Variants in THNSL1 observed in about 807,000 individuals in gnomAD.
THNSL1 encodes threonine synthase like 1.
Under a neutral mutation model 50.4 loss-of-function variants are expected in THNSL1, and 48 were observed. That is an observed-to-expected ratio of 0.95 (90% confidence interval 0.76 to 1.21). The LOEUF (loss-of-function observed/expected upper bound fraction) is 1.21, where lower values mean the gene tolerates loss of function less well. Among genes scored for constraint, THNSL1 ranks in the 50% most tolerant of loss-of-function variants. The probability of loss-of-function intolerance (pLI) is 0.00; values close to 1 mark genes in which losing one functional copy is unlikely to be tolerated. For missense variants in THNSL1, 896 were observed against 871.7 expected, an observed-to-expected ratio of 1.03 and a Z score of -0.35; for synonymous variants, 309 against 306.1, an observed-to-expected ratio of 1.01 and a Z score of -0.10.
At chr10:24,983,517 T>C in the THNSL1 span, 5 of 152,230 alleles carry the variant, frequency 3.3e-5, no homozygotes, top group Admixed American at 2.0e-4. Context: ...TCTTGGTAAG[T>C]GAGAATTTGT....
chr10:24,966,255 T>C, the THNSL1 span, among the ~76,000 whole-genome samples: 2 of 152,218 alleles, frequency 1.3e-5, no homozygotes, highest in African/African-American at 4.8e-5. Flanking sequence ...GCCACCTTTA[T>C]ATTTAAAGAA....
the THNSL1 span, chr10:24,990,527 T>G: frequency 6.2e-7 from 1 of 1,614,146 alleles, no homozygotes; most frequent in Non-Finnish European, 8.5e-7. Context: ...AAGGTTTTCC[T>G]GGATATAACG....
At chr10:25,009,000 A>G in the THNSL1 span, among the ~76,000 whole-genome samples, 109 of 151,692 alleles carry the variant, frequency 7.2e-4, 1 homozygote, top group Middle Eastern at 3.4e-3. Context: ...GCAAACTATC[A>G]CAAGGACAAA....
At chr10:24,965,337 CCTT>C in the THNSL1 span, among the ~76,000 whole-genome samples, 1 of 152,198 alleles carries the variant, frequency 6.6e-6, no homozygotes, top group South Asian at 2.1e-4. Context: ...TCCTCCTTTT[CCTT>C]CTTTCCTCTC....
chr10:25,024,897 A>G lies in THNSL1; in HGVS notation c.1674A>G (p.Gln558=), dbSNP rs1476362652. ...ATCTAAGGGAAAGAAAACTAGCACAAACCTTTTCACCGTCAATAGATATTC... is the reference window on the plus strand; with the variant it reads ...ATCTAAGGGAAAGAAAACTAGCACAGACCTTTTCACCGTCAATAGATATTC... ...HYDLRERKLA[Q]TFSPSIDILK... The change falls in exon 3 of 3, where the codon CAA becomes CAG. Residue 558 remains glutamine, a synonymous_variant. Coordinates refer to ENST00000376356, the MANE Select transcript of THNSL1 (RefSeq NM_024838.5). 7.4e-6 allele frequency: 12 copies of G among 1,613,796 alleles called. No individual in the cohort carries two copies. In the African/African-American group the frequency reaches 1.1e-4, roughly 14 times the overall value.
the THNSL1 span, among the ~76,000 whole-genome samples, chr10:25,009,789 G>A: frequency 0.013 from 2,029 of 152,240 alleles, 56 homozygotes; most frequent in African/African-American, 0.046. Flanking sequence ...GTTTTATAAA[G>A]AGGCGTTCCC....
chr10:24,963,565 T>C, the THNSL1 span, among the ~76,000 whole-genome samples: 1 of 152,240 alleles, frequency 6.6e-6, no homozygotes. Flanking sequence ...GAACGTACAG[T>C]TCTGATGATT....
At chr10:24,991,956 G>T in the THNSL1 span, among the ~76,000 whole-genome samples, 3 of 152,308 alleles carry the variant, frequency 2.0e-5, no homozygotes, top group South Asian at 6.2e-4. Flanking sequence ...GCTCCCCCTA[G>T]AAGTGTGAGC....
chr10:25,013,446 G>A (rs939174835), upstream of THNSL1, among the ~76,000 whole-genome samples: 8 of 152,316 alleles, frequency 5.3e-5, no homozygotes, highest in African/African-American at 1.7e-4. Flanking sequence ...AATCCATACA[G>A]GGTATTTTAG....
intron 1 of THNSL1, among the ~76,000 whole-genome samples, chr10:25,020,067 G>A (rs1432451726): frequency 2.0e-5 from 3 of 151,902 alleles, no homozygotes; most frequent in Non-Finnish European, 4.4e-5. Context: ...GTGGTTAAAT[G>A]TTACAAAATA....
At chr10:25,020,433 T>G (rs1415668893) in intron 1 of THNSL1, among the ~76,000 whole-genome samples, 1 of 152,122 alleles carries the variant, frequency 6.6e-6, no homozygotes, top group Non-Finnish European at 1.5e-5. Flanking sequence ...GAAGTTGATG[T>G]TAAGCATGGT....
chr10:24,952,641 T>C, the THNSL1 span: 1 of 423,122 alleles, frequency 2.4e-6, no homozygotes, highest in African/African-American at 4.5e-5. This position sits in a 1 kb window ranked among gnomAD's most constrained non-coding sequence, Gnocchi z 5.1. Context: ...GAAGGCTGCG[T>C]GGGGGATGGG....
At chr10:24,995,575 G>T in the THNSL1 span, 1 of 1,304,194 alleles carries the variant, frequency 7.7e-7, no homozygotes, top group Non-Finnish European at 1.1e-6. Context: ...TGATAACATA[G>T]ATGATCATCA....
the THNSL1 span, chr10:24,990,398 G>GGTAC: frequency 3.2e-6 from 5 of 1,539,864 alleles, no homozygotes; most frequent in South Asian, 5.1e-5. Context: ...TCAAAGTGAT[G>GGTAC]GTACACCTTT....
chr10:25,023,051 A>AT lies in THNSL1; in HGVS notation c.-48-120dup, dbSNP rs1205006953. 3 of 556,938 alleles carry AT rather than the reference A, an allele frequency of 5.4e-6. No homozygotes were observed. In the Admixed American group the frequency reaches 1.1e-4, roughly 21 times the overall value. The allele number at this position is 556,938 out of a possible 1,614,324, so 34.5% of individuals were successfully genotyped here. A position where few individuals can be genotyped will look rare whatever the true frequency, so the allele number is the denominator to read the frequency against. On this transcript the variant is annotated intron_variant, in intron 2 of 2. Transcript: ENST00000376356. ...TTTTTTAATTCCATAAGTTTGGAAG[A>AT]TTTTTAAACAGTTTATGTACCATGG...
intron 2 of THNSL1, among the ~76,000 whole-genome samples, chr10:25,022,373 G>A (rs1214499115): frequency 6.6e-6 from 1 of 152,166 alleles, no homozygotes; most frequent in Admixed American, 6.5e-5. Flanking sequence ...TGATTATAGG[G>A]TTAGAAACAA....
chr10:25,016,011 T>C (rs950022868), upstream of THNSL1: 6 of 1,543,116 alleles, frequency 3.9e-6, no homozygotes, highest in African/African-American at 2.8e-5. Flanking sequence ...GTCCCTTTCT[T>C]CACTGCTTCC....
At chr10:25,008,052 C>T in the THNSL1 span, among the ~76,000 whole-genome samples, 8 of 150,214 alleles carry the variant, frequency 5.3e-5, no homozygotes, top group Admixed American at 4.7e-4. Context: ...GGCAGTTGGA[C>T]AAAATGTAAG....
chr10:24,952,795 G>A, the THNSL1 span, among the ~76,000 whole-genome samples: 1 of 151,540 alleles, frequency 6.6e-6, no homozygotes, highest in African/African-American at 2.4e-5. The surrounding 1 kb of genome is among the most constrained non-coding windows in gnomAD (Gnocchi z 5.1). Context: ...GGCCGCGGGG[G>A]CGCGGGGAGC....
Sources: allele counts gnomAD v4.1 joint callset (sites outside exome capture counted in the v4.1 genomes callset), GRCh38; gene constraint gnomAD v4.1.1; non-coding constraint Gnocchi (gnomAD v3.1); transcripts MANE v1.5; gene names NCBI Gene and HGNC (gene_info 2026-07-23, HGNC 2026-07-21).